Variants in PTPRT observed in about 807,000 individuals in gnomAD.
PTPRT encodes receptor-type tyrosine-protein phosphatase T.
A neutral mutation model predicts 176.8 loss-of-function variants in PTPRT; 56 were observed. The observed-to-expected ratio is 0.32, with a 90% CI of 0.26 to 0.40. PTPRT has a LOEUF of 0.40. Ranked by LOEUF, PTPRT falls within the 10% of genes least tolerant of loss-of-function variation. The pLI is 1.00. For synonymous variants in PTPRT, 783 were observed against 739.0 expected (o/e 1.06, Z -0.96); for missense variants, 1,540 against 1,908.2 (o/e 0.81, Z 3.60).
At chr20:42,206,076 G>A (rs2055452299) in intron 15 of PTPRT, among the ~76,000 whole-genome samples, 2 of 152,138 alleles carry the variant, frequency 1.3e-5, no homozygotes, top group Non-Finnish European at 1.5e-5. Context: ...GTGGACACCT[G>A]CTCCACATTC....
chr20:42,433,823 A>C (rs1311025382), intron 9 of PTPRT, among the ~76,000 whole-genome samples: 1 of 152,204 alleles, frequency 6.6e-6, no homozygotes, highest in Non-Finnish European at 1.5e-5. Flanking sequence ...ACTGCCTGCT[A>C]CTGAAAAATC....
intron 16 of PTPRT, among the ~76,000 whole-genome samples, chr20:42,173,461 A>G (rs974289887): frequency 3.9e-5 from 6 of 152,174 alleles, no homozygotes; most frequent in African/African-American, 1.4e-4. Flanking sequence ...AAAGGGTTTC[A>G]CTATTTTTTA....
chr20:42,758,548 C>G (rs989034209), intron 5 of PTPRT, among the ~76,000 whole-genome samples: 1 of 152,118 alleles, frequency 6.6e-6, no homozygotes, highest in African/African-American at 2.4e-5. Flanking sequence ...TTTGCTGCTG[C>G]TTTTTACTTT....
At chr20:42,737,498 G>T (rs2076557115) in intron 6 of PTPRT, among the ~76,000 whole-genome samples, 1 of 152,158 alleles carries the variant, frequency 6.6e-6, no homozygotes, top group Admixed American at 6.5e-5. Context: ...GGGCATGGTG[G>T]TGGGAGTCTG....
chr20:42,318,883 C>T (rs2057758764), intron 11 of PTPRT, among the ~76,000 whole-genome samples: 2 of 152,186 alleles, frequency 1.3e-5, no homozygotes, highest in African/African-American at 4.8e-5. Flanking sequence ...GAATCAGTTC[C>T]TACTGTCTCT....
intron 18 of PTPRT, among the ~76,000 whole-genome samples, chr20:42,134,144 CCTT>C (rs1988263073): frequency 6.6e-6 from 1 of 152,156 alleles, no homozygotes; most frequent in Non-Finnish European, 1.5e-5. Flanking sequence ...TTCTGTGTCC[CCTT>C]CTTCTTCTAA....
intron 1 of PTPRT, among the ~76,000 whole-genome samples, chr20:42,905,715 C>T (rs1298118420): frequency 1.3e-5 from 2 of 152,166 alleles, no homozygotes; most frequent in Non-Finnish European, 2.9e-5. Context: ...GGCACATATA[C>T]ACCATGGAAT....
At chr20:43,126,871 C>T (rs1468360678) in intron 1 of PTPRT, among the ~76,000 whole-genome samples, 1 of 152,156 alleles carries the variant, frequency 6.6e-6, no homozygotes, top group Non-Finnish European at 1.5e-5. Context: ...TAGAGTGCTT[C>T]TTCTCAACCT....
At chr20:42,059,557 G>A in the PTPRT span, among the ~76,000 whole-genome samples, 2 of 152,174 alleles carry the variant, frequency 1.3e-5, no homozygotes, top group African/African-American at 4.8e-5. Context: ...AAAAGGCAGT[G>A]TTTTTTATGA....
intron 2 of PTPRT, among the ~76,000 whole-genome samples, chr20:42,883,102 A>C (rs2145857892): frequency 6.6e-6 from 1 of 152,346 alleles, no homozygotes; most frequent in African/African-American, 2.4e-5. Flanking sequence ...TGGAGCAATG[A>C]GAAGCCTCAG....
chr20:42,931,848 T>A (rs752005488), intron 1 of PTPRT, among the ~76,000 whole-genome samples: 8 of 152,176 alleles, frequency 5.3e-5, no homozygotes, highest in Non-Finnish European at 1.2e-4. Flanking sequence ...GCCAGAGACA[T>A]GGCTGATACC....
At position 43,189,526 on chromosome 20, in the gene PTPRT, A is replaced by G; in HGVS notation, c.88+120T>C. 1.8e-6 allele frequency: 1 copy of G among 570,848 alleles called. No individual in the cohort carries two copies. Among genetic ancestry groups the G allele is most frequent in the Non-Finnish European group, 2.5e-6 (1 of 407,740 alleles). The allele number at this position is 570,848 out of a possible 1,614,324, so 35.4% of individuals were successfully genotyped here. A position where few individuals can be genotyped will look rare whatever the true frequency, so the allele number is the denominator to read the frequency against. ...GCAAGCTGAGACCCGGGTTCCGGCC[A>G]TGGGGACCCGCGCCCCCGCGAGCCC... is the stretch of plus-strand genomic sequence containing the variant. On this transcript the variant is annotated intron_variant, in intron 1 of 30. Transcript: ENST00000373187. The surrounding 1 kb of genome is among the most constrained non-coding windows in gnomAD (Gnocchi z 5.0).
chr20:43,090,546 T>G (rs189088769), intron 1 of PTPRT, among the ~76,000 whole-genome samples: 247 of 152,110 alleles, frequency 1.6e-3, no homozygotes, highest in African/African-American at 4.7e-3. Flanking sequence ...GGGATTCCAG[T>G]CGTGAGCCAC....
chr20:43,111,011 GCATCTACTA>G (rs2012835483), intron 1 of PTPRT, among the ~76,000 whole-genome samples: 1 of 152,130 alleles, frequency 6.6e-6, no homozygotes, highest in South Asian at 2.1e-4. Flanking sequence ...TATTTATCAT[GCATCTACTA>G]CATCTGGAAA....
intron 7 of PTPRT, among the ~76,000 whole-genome samples, chr20:42,475,691 A>G (rs1022411466): frequency 1.3e-5 from 2 of 152,222 alleles, no homozygotes; most frequent in African/African-American, 4.8e-5. Flanking sequence ...AGAGTGGTAC[A>G]GTGATGTAAA....
At chr20:42,529,549 T>C (rs1239457234) in intron 7 of PTPRT, among the ~76,000 whole-genome samples, 1 of 152,156 alleles carries the variant, frequency 6.6e-6, no homozygotes, top group Non-Finnish European at 1.5e-5. Context: ...TACACTGGCA[T>C]GATCTCAGCT....
chr20:42,969,077 G>A (rs1052703479), intron 1 of PTPRT: 101 of 152,274 alleles, frequency 6.6e-4, no homozygotes, highest in African/African-American at 2.4e-3. Context: ...GTTGATTTCC[G>A]CTAGATAGAA....
At chr20:42,665,538 T>A (rs373204903) in intron 7 of PTPRT, among the ~76,000 whole-genome samples, 2 of 152,152 alleles carry the variant, frequency 1.3e-5, no homozygotes, top group Non-Finnish European at 2.9e-5. Flanking sequence ...AGTGTGGCGA[T>A]TCCTCAGGGA....
intron 6 of PTPRT, among the ~76,000 whole-genome samples, chr20:42,738,378 G>A (rs1337410976): frequency 2.0e-5 from 3 of 152,054 alleles, no homozygotes; most frequent in South Asian, 2.1e-4. Context: ...CAGGCATGGT[G>A]GCAGGTGCCT....
Sources: allele counts gnomAD v4.1 joint callset (sites outside exome capture counted in the v4.1 genomes callset), GRCh38; gene constraint gnomAD v4.1.1; non-coding constraint Gnocchi (gnomAD v3.1); transcripts MANE v1.5; gene names NCBI Gene and HGNC (gene_info 2026-07-23, HGNC 2026-07-21).